MBIP: variants seen among roughly 807,000 people sequenced by gnomAD.
MBIP encodes MAP3K12 binding inhibitory protein 1, also known as MAP3K12-binding inhibitory protein 1.
Under a neutral mutation model 45.7 loss-of-function variants are expected in MBIP, and 32 were observed. The observed-to-expected ratio is 0.70, with a 90% confidence interval of 0.53 to 0.94. The LOEUF (loss-of-function observed/expected upper bound fraction) is 0.94. Among genes scored for constraint, MBIP ranks in the 40% least tolerant of loss-of-function variants. MBIP has a pLI of 0.00. For synonymous variants in MBIP, 145 were observed against 141.0 expected (o/e 1.03, Z -0.20); for missense variants, 381 against 405.5 (o/e 0.94, Z 0.52).
rs1879994219 is a variant in MBIP at position 36,308,174 on chromosome 14, C to CT, written c.805dup (p.Arg269LysfsTer8). ...TTTTTTAATTCTCTGATAAATGTCT[C>CT]TTGGCACTGGACCACCTAAATACAT... On this transcript the variant is annotated frameshift_variant, in exon 7 of 9. Coordinates refer to ENST00000416007, the MANE Select transcript of MBIP (RefSeq NM_016586.3). LOFTEE classifies it high-confidence loss of function. 3 of 1,590,986 alleles carry CT rather than the reference C, an allele frequency of 1.9e-6. No individual in the cohort carries two copies. The highest frequency in any genetic ancestry group is 2.6e-6 in the Non-Finnish European group (3 of 1,162,656).
intron 6 of MBIP, among the ~76,000 whole-genome samples, chr14:36,308,627 G>C (rs1880022009): frequency 6.6e-6 from 1 of 151,956 alleles, no homozygotes; most frequent in South Asian, 2.1e-4. Flanking sequence ...TTTTTCCTTT[G>C]ACCTAAAAGA....
rs756221757 is a variant in MBIP at position 36,308,135 on chromosome 14, A to G, written c.845T>C (p.Ile282Thr). The change falls in exon 7 of 9, where the codon ATC (isoleucine) becomes ACC (threonine). Residue 282 changes from isoleucine (I) to threonine (T), a missense_variant. Coordinates refer to ENST00000416007, the MANE Select transcript of MBIP (RefSeq NM_016586.3). ...AGGAGAGATGCCTTCCAATTCAAGG[A>G]TTTTATCCTCAAGTTTTTTAATTCT... Reference protein sequence around the residue: ...YQRIKKLEDKILELEGISPEY... With the variant: ...YQRIKKLEDKTLELEGISPEY... 3 of 1,606,616 alleles carry G rather than the reference A, an allele frequency of 1.9e-6. No homozygotes were observed. Among genetic ancestry groups the G allele is most frequent in the Non-Finnish European group, 2.6e-6 (3 of 1,174,930 alleles).
intron 4 of MBIP, chr14:36,314,290 T>C: frequency 6.7e-6 from 3 of 445,222 alleles, no homozygotes; most frequent in Middle Eastern, 5.9e-4. Flanking sequence ...ATAAACACTT[T>C]TTAATGTTAG....
At chr14:36,319,401 G>A (rs1566558017) in intron 1 of MBIP, among the ~76,000 whole-genome samples, 1 of 152,154 alleles carries the variant, frequency 6.6e-6, no homozygotes, top group Non-Finnish European at 1.5e-5. Context: ...TCTTTAAGCA[G>A]ACTCCATTAA....
At position 36,299,149 on chromosome 14, in the gene MBIP, G is replaced by A. The variant is rs771400986; in HGVS notation, c.969C>T (p.Ala323=). The change falls in exon 9 of 9, where the codon GCC becomes GCT. Residue 323 remains alanine (A), a synonymous_variant. Transcript: ENST00000416007. ...SLAELDEKIS[A]LKQALLRKSR... ...ATTTTCTGAGGAGGGCTTGTTTGAG[G>A]GCACTAATTTTCTCATCAAGTTCAG... 24 of 1,613,490 alleles carry A rather than the reference G, an allele frequency of 1.5e-5. No individual in the cohort carries two copies. In the Admixed American group the frequency reaches 2.5e-4, roughly 17 times the overall value.
rs1242444122 is a variant in MBIP at position 36,311,592 on chromosome 14, G to C, written c.771C>G (p.Ala257=). The C allele has an allele frequency of 6.8e-6, 11 of 1,611,168 alleles. No individual in the cohort carries two copies. Among genetic ancestry groups the C allele is most frequent in the Admixed American group, 5.0e-5 (3 of 59,776 alleles). Residue 257 remains alanine, a synonymous_variant, in exon 6 of 9, where the codon GCC becomes GCG. Coordinates refer to ENST00000416007, the MANE Select transcript of MBIP (RefSeq NM_016586.3). ...GCTTACCTGTCTGTAACCGCAAGTG[G>C]GCCTCAATATTTTGTAGTCGTTCTT... ...AVEERLQNIE[A]HLRLQTGGPV...
chr14:36,313,786 GA>G (rs985005446), intron 4 of MBIP: 34 of 152,196 alleles, frequency 2.2e-4, no homozygotes, highest in African/African-American at 7.9e-4. Context: ...GAGGCAACAA[GA>G]AACATGTTCA....
rs761466428 is a variant in MBIP, at chr14:36,316,822, G to A, written c.130-10C>T. The A allele has an allele frequency of 8.8e-6, 14 of 1,591,954 alleles. No homozygotes were observed. Among genetic ancestry groups the A allele is most frequent in the Non-Finnish European group, 6.0e-6 (7 of 1,171,738 alleles). ...CATCTCTGAGGTCAAGCTTCAAAGG[G>A]GCAAACCAGCAACATCACAAAAATT... On this transcript the variant is annotated splice_polypyrimidine_tract_variant and intron_variant, in intron 1 of 8. Coordinates refer to ENST00000416007, the MANE Select transcript of MBIP (RefSeq NM_016586.3).
At position 36,320,622 on chromosome 14, in the gene MBIP, A is replaced by ACCG; in HGVS notation, c.-35_-34insCGG. On this transcript the variant is annotated 5_prime_UTR_variant, in exon 1 of 9. Transcript: ENST00000416007. Reference sequence around the variant, plus strand: ...CTCAGGCCGCCCCACCACCACCACCACCAAGATTTGCTCACAACCCCGCCC... The same window carrying ACCG: ...CTCAGGCCGCCCCACCACCACCACCACCGCCAAGATTTGCTCACAACCCCGCCC... The ACCG allele has an allele frequency of 6.4e-7, 1 of 1,573,364 alleles. No homozygotes were observed. The highest frequency in any genetic ancestry group is 8.6e-7 in the Non-Finnish European group (1 of 1,159,356).
chr14:36,300,774 C>T lies in MBIP; in HGVS notation c.927+11G>A. The stretch of plus-strand genomic sequence containing the variant: ...TATTTCAGAAACCAAAATGAAAATG[C>T]AGTAACTTACTTGAGGTGGTTGAAC... On this transcript the variant is annotated intron_variant, in intron 8 of 8. Coordinates refer to ENST00000416007, the MANE Select transcript of MBIP (RefSeq NM_016586.3). The T allele has an allele frequency of 5.2e-6, 8 of 1,537,820 alleles. No individual in the cohort carries two copies. Among genetic ancestry groups the T allele is most frequent in the Admixed American group, 2.0e-5 (1 of 49,904 alleles).
In MBIP at chr14:36,314,928, C is replaced by A; in HGVS notation, c.250-13G>T. 1.3e-6 allele frequency: 2 copies of A among 1,545,778 alleles called. No homozygotes were observed. The highest frequency in any genetic ancestry group is 2.2e-5 in the South Asian group (2 of 89,528). On this transcript the variant is annotated splice_polypyrimidine_tract_variant and intron_variant, in intron 2 of 8. Coordinates refer to ENST00000416007, the MANE Select transcript of MBIP (RefSeq NM_016586.3). ...TTGCTAAAAAAGGCTGAGAACAACACAATTCCATCTGCTGAGGTTCAATCT... is the reference window on the plus strand; with the variant it reads ...TTGCTAAAAAAGGCTGAGAACAACAAAATTCCATCTGCTGAGGTTCAATCT...
At chr14:36,301,475 C>T (rs1477080737) in intron 7 of MBIP, among the ~76,000 whole-genome samples, 1 of 152,086 alleles carries the variant, frequency 6.6e-6, no homozygotes, top group Non-Finnish European at 1.5e-5. Context: ...GAGAGAAAGC[C>T]CTTAAAGAAG....
chr14:36,300,880 T>G, intron 7 of MBIP, 57 bp from the exon 8 acceptor site: 1 of 1,094,380 alleles, frequency 9.1e-7, no homozygotes, highest in Non-Finnish European at 1.3e-6. Context: ...TTTTTTTTTC[T>G]TTATAAAATA....
intron 1 of MBIP, chr14:36,319,584 C>G (rs887044738): frequency 2.3e-6 from 1 of 444,212 alleles, no homozygotes; most frequent in Non-Finnish European, 4.5e-6. Flanking sequence ...TAGGAATTTA[C>G]CATTATCTTT....
intron 2 of MBIP, among the ~76,000 whole-genome samples, chr14:36,315,880 C>T (rs539140117): frequency 1.8e-3 from 279 of 152,128 alleles, no homozygotes; most frequent in Non-Finnish European, 3.3e-3. Context: ...TTCCATTGTT[C>T]GCTATACTAC....
chr14:36,319,803 A>G (rs921377310), intron 1 of MBIP: 1 of 173,342 alleles, frequency 5.8e-6, no homozygotes, highest in African/African-American at 2.4e-5. Flanking sequence ...TTCAATTTAA[A>G]ACCAATTTTA....
At position 36,298,757 on chromosome 14, in the gene MBIP, T is replaced by C. The variant is rs950067802; in HGVS notation, c.*326A>G. The C allele has an allele frequency of 1.0e-5, 2 of 193,462 alleles. No homozygotes were observed. Among genetic ancestry groups the C allele is most frequent in the East Asian group, 2.6e-4 (2 of 7,736 alleles). The allele number at this position is 193,462 out of a possible 1,614,324, so 12.0% of individuals were successfully genotyped here. A position where few individuals can be genotyped will look rare whatever the true frequency, so the allele number is the denominator to read the frequency against. ...ACAAATATAAAGTCCTTTTAAAGTA[T>C]CAATATCAAAATAAATCTTCCTTCC... On this transcript the variant is annotated 3_prime_UTR_variant, in exon 9 of 9. Coordinates refer to ENST00000416007, the MANE Select transcript of MBIP (RefSeq NM_016586.3).
At position 36,308,084 on chromosome 14, in the gene MBIP, A is replaced by G; in HGVS notation, c.888+8T>C. ...TTTCATTTATTTTTAAAAGACACTT[A>G]TACTCACTACAGACTGAAAATATTC... On this transcript the variant is annotated splice_region_variant and intron_variant, in intron 7 of 8. Coordinates refer to ENST00000416007, the MANE Select transcript of MBIP (RefSeq NM_016586.3). 7.0e-7 allele frequency: 1 copy of G among 1,428,464 alleles called. No individual in the cohort carries two copies. The highest frequency in any genetic ancestry group is 1.2e-5 in the South Asian group (1 of 83,914). The allele number at this position is 1,428,464 out of a possible 1,614,324, so 88.5% of individuals were successfully genotyped here. A position where few individuals can be genotyped will look rare whatever the true frequency, so the allele number is the denominator to read the frequency against.
Position 36,299,078 on chromosome 14 carries a change from G to A in MBIP, c.*5C>T. 1.9e-6 allele frequency: 3 copies of A among 1,611,260 alleles called. No individual in the cohort carries two copies. The highest frequency in any genetic ancestry group is 2.5e-6 in the Non-Finnish European group (3 of 1,177,552). Reference sequence around the variant, plus strand: ...AAGTAAAATGACAAGGATGAGAGGAGTTTTTCATGGAAGGTGGTGGGTTGC... The same window carrying A: ...AAGTAAAATGACAAGGATGAGAGGAATTTTTCATGGAAGGTGGTGGGTTGC... On this transcript the variant is annotated 3_prime_UTR_variant, in exon 9 of 9. Coordinates refer to ENST00000416007, the MANE Select transcript of MBIP (RefSeq NM_016586.3).
Sources: allele counts gnomAD v4.1 joint callset (sites outside exome capture counted in the v4.1 genomes callset), GRCh38; gene constraint gnomAD v4.1.1; transcripts MANE v1.5; gene names NCBI Gene and HGNC (gene_info 2026-07-23, HGNC 2026-07-21).